Variants in TECTA observed in about 807,000 individuals in gnomAD.
TECTA encodes alpha-tectorin.
A neutral mutation model predicts 216.8 loss-of-function variants in TECTA; 128 were observed. That is an observed-to-expected ratio of 0.59 (90% CI 0.51 to 0.68). The LOEUF is 0.68. Among genes scored for constraint, TECTA ranks in the 30% least tolerant of loss-of-function variants. The probability of loss-of-function intolerance (pLI) is 0.00; values close to 1 mark genes in which losing one functional copy is unlikely to be tolerated. For missense variants in TECTA, 2,551 were observed against 2,786.2 expected (o/e 0.92, Z 1.90); for synonymous variants, 1,089 against 1,117.1 (o/e 0.97, Z 0.50).
At chr11:121,162,868 G>T (rs118155855) in intron 16 of TECTA, among the ~76,000 whole-genome samples, 1 of 152,148 alleles carries the variant, frequency 6.6e-6, no homozygotes, top group East Asian at 1.9e-4. Context: ...AGATCAGCTG[G>T]TAAAATAAAG....
chr11:121,160,145 C>A lies in TECTA; in HGVS notation c.4700C>A (p.Thr1567Lys). ...TTCCTCCTCCAATAGGTGAATGGCA[C>A]ACAAGTGAATGTTCCATTTATAACT... ...NDRNTVKVNG[T>K]QVNVPFITGL... Residue 1567 changes from threonine to lysine, a missense_variant, in exon 15 of 24, where the codon ACA becomes AAA. By Grantham distance (78) the Thr-to-Lys change is moderately conservative. Coordinates refer to ENST00000392793, the MANE Select transcript of TECTA (RefSeq NM_005422.4). 4 of 1,614,200 alleles carry A rather than the reference C, an allele frequency of 2.5e-6. No individual in the cohort carries two copies. Among genetic ancestry groups the A allele is most frequent in the Non-Finnish European group, 3.4e-6 (4 of 1,180,052 alleles).
intron 12 of TECTA, among the ~76,000 whole-genome samples, chr11:121,146,694 T>G (rs543089187): frequency 1.3e-5 from 2 of 152,292 alleles, no homozygotes; most frequent in South Asian, 4.2e-4. Context: ...GTTCTCAGTT[T>G]CCCCTTCCAT....
At position 121,190,856 on chromosome 11, in the gene TECTA, C is replaced by G. The variant is rs773285619; in HGVS notation, c.*50C>G. Reference sequence around the variant, plus strand: ...TACTGTAATTTACTTACTTCAACACCCTGTAGGATAAAAAGTGTGTGCCCT... The same window carrying G: ...TACTGTAATTTACTTACTTCAACACGCTGTAGGATAAAAAGTGTGTGCCCT... On this transcript the variant is annotated 3_prime_UTR_variant, in exon 24 of 24. Transcript: ENST00000392793. The G allele has an allele frequency of 5.3e-5, 73 of 1,375,220 alleles. No homozygotes were observed. Among genetic ancestry groups the G allele is most frequent in the Non-Finnish European group, 6.8e-5 (66 of 976,874 alleles). The allele number at this position is 1,375,220 out of a possible 1,614,324, so 85.2% of individuals were successfully genotyped here. A position where few individuals can be genotyped will look rare whatever the true frequency, so the allele number is the denominator to read the frequency against.
At chr11:121,173,170 C>A (rs1260633197) in intron 20 of TECTA, among the ~76,000 whole-genome samples, 1 of 152,218 alleles carries the variant, frequency 6.6e-6, no homozygotes, top group Admixed American at 6.5e-5. Flanking sequence ...GTTTCTTTTG[C>A]TGTGCAGAAG....
At chr11:121,147,716 A>G (rs1369831139) in intron 12 of TECTA, among the ~76,000 whole-genome samples, 1 of 152,110 alleles carries the variant, frequency 6.6e-6, no homozygotes, top group Non-Finnish European at 1.5e-5. Flanking sequence ...TTTGGAAGGG[A>G]AAGCTCTGCT....
At chr11:121,172,729 C>G (rs992256628) in intron 20 of TECTA, among the ~76,000 whole-genome samples, 7 of 152,030 alleles carry the variant, frequency 4.6e-5, no homozygotes, top group African/African-American at 7.3e-5. Flanking sequence ...GGGTCAAATG[C>G]TATTTCTAGT....
rs761826749 is a variant in TECTA at position 121,113,054 on chromosome 11, C to T, written c.487-18C>T. 21 of 1,613,794 alleles carry T rather than the reference C, an allele frequency of 1.3e-5. No homozygotes were observed. Among genetic ancestry groups the T allele is most frequent in the Admixed American group, 1.7e-5 (1 of 59,996 alleles). On this transcript the variant is annotated intron_variant, in intron 4 of 23. Coordinates refer to ENST00000392793, the MANE Select transcript of TECTA (RefSeq NM_005422.4). The surrounding 1 kb of genome is among the most constrained non-coding windows in gnomAD (Gnocchi z 4.2). ...CTGGGGAGTGCAAGTCATGAGACTG[C>T]GCATTCCCATCCTGTAGGTGAACAC...
chr11:121,147,419 G>A (rs545701253), intron 12 of TECTA, among the ~76,000 whole-genome samples: 1 of 152,274 alleles, frequency 6.6e-6, no homozygotes, highest in African/African-American at 2.4e-5. Flanking sequence ...GATGAAGGCG[G>A]GGAACAGATG....
intron 20 of TECTA, among the ~76,000 whole-genome samples, chr11:121,170,774 ATTAT>A (rs1947103988): frequency 6.6e-6 from 1 of 151,984 alleles, no homozygotes; most frequent in South Asian, 2.1e-4. Flanking sequence ...TTTTAAAGAA[ATTAT>A]TTGTTTTCTT....
chr11:121,168,568 T>C lies in TECTA; in HGVS notation c.5751-109T>C, dbSNP rs1206728212. 5.8e-6 allele frequency: 9 copies of C among 1,539,916 alleles called. No individual in the cohort carries two copies. In the African/African-American group the frequency reaches 9.5e-5, roughly 16 times the overall value. On this transcript the variant is annotated intron_variant, in intron 19 of 23. Transcript: ENST00000392793. Reference sequence around the variant, plus strand: ...TATTGGACAGCACAGCCTTAGACTTTGCTACTACGTGCTTTGCTTTCCCTC... The same window carrying C: ...TATTGGACAGCACAGCCTTAGACTTCGCTACTACGTGCTTTGCTTTCCCTC...
In TECTA at chr11:121,108,608, G is replaced by A. The variant is rs547951267; in HGVS notation, c.199-603G>A. The stretch of plus-strand genomic sequence containing the variant: ...AGTATACACACACACCACATCCCCC[G>A]TATACACACACACTCCCCACCCCAG... On this transcript the variant is annotated intron_variant, in intron 3 of 23. Transcript: ENST00000392793. Among the ~76,000 whole-genome samples, 216 of 122,922 alleles carry A rather than the reference G, an allele frequency of 1.8e-3. 2 individuals are homozygous for A. The highest frequency in any genetic ancestry group is 0.017 in the South Asian group (64 of 3,776). 80.6% of individuals were successfully genotyped at this position (122,922 alleles called of 152,430 possible).
In TECTA at chr11:121,139,600, G is replaced by A. The variant is rs192713059; in HGVS notation, c.3543+1578G>A. 6.0e-3 allele frequency among the ~76,000 whole-genome samples: 909 copies of A among 152,050 alleles called. 10 individuals carry two copies. The highest frequency in any genetic ancestry group is 0.021 in the African/African-American group (860 of 41,420). The stretch of plus-strand genomic sequence containing the variant: ...CAGCTACTAGGGAGGCTGAGACAGA[G>A]AATTGCTTGAACCCAGGAGGCGGAG... On this transcript the variant is annotated intron_variant, in intron 11 of 23. Transcript: ENST00000392793.
chr11:121,168,241 A>G (rs372854284), intron 19 of TECTA, 24 bp downstream of exon 19: 2 of 1,614,066 alleles, frequency 1.2e-6, no homozygotes, highest in Admixed American at 1.7e-5. Flanking sequence ...TGGGCTGTGC[A>G]CATTGCTTTT....
At chr11:121,182,864 G>C (rs2134210748) in intron 20 of TECTA, among the ~76,000 whole-genome samples, 1 of 152,284 alleles carries the variant, frequency 6.6e-6, no homozygotes, top group African/African-American at 2.4e-5. Context: ...AGTGGTGGTG[G>C]GTGGGGCAGG....
At chr11:121,107,123 T>C (rs1321020352) in intron 3 of TECTA, among the ~76,000 whole-genome samples, 1 of 152,260 alleles carries the variant, frequency 6.6e-6, no homozygotes, top group Admixed American at 6.5e-5. Flanking sequence ...ACGCCTTTTA[T>C]ACTCTATTCA....
rs143998942 is a variant in TECTA, at chr11:121,130,007, G to A, written c.2737G>A (p.Gly913Ser). ...LKFYRSRSRC[G>S]IINDPSNSSF... is the part of the protein sequence containing the mutation. ...GTTTTATCGAAGCCGCTCCAGGTGCGGCATCATCAACGACCCCTCCAACAG... is the reference window on the plus strand; with the variant it reads ...GTTTTATCGAAGCCGCTCCAGGTGCAGCATCATCAACGACCCCTCCAACAG... Residue 913 changes from glycine to serine, a missense_variant, in exon 10 of 24, where the codon GGC (glycine) becomes AGC (serine). Gly to Ser is a moderately conservative substitution (Grantham distance 56). This residue lies in a region of TECTA where 2,375 missense variants were observed against 2,563.9 expected (regional missense o/e 0.93). Coordinates refer to ENST00000392793, the MANE Select transcript of TECTA (RefSeq NM_005422.4). 3.5e-5 allele frequency: 56 copies of A among 1,608,316 alleles called. No homozygotes were observed. The highest frequency in any genetic ancestry group is 2.4e-4 in the African/African-American group (18 of 74,834).
Position 121,129,964 on chromosome 11 carries a change from T to C in TECTA, c.2694T>C (p.Asn898=), listed in dbSNP as rs769542753. 9 of 1,606,348 alleles carry C rather than the reference T, an allele frequency of 5.6e-6. No individual in the cohort carries two copies. In the East Asian group the frequency reaches 1.1e-4, roughly 20 times the overall value. Residue 898 remains asparagine (N), a synonymous_variant, in exon 10 of 24, where the codon AAT becomes AAC. Transcript: ENST00000392793. ...ECGDLLKACN[N]DSELLKFYRS... ...GGGACCTGCTGAAGGCCTGCAACAA[T>C]GACTCGGAGCTGCTCAAGTTTTATC...
chr11:121,118,774 TA>T (rs1946526811), intron 7 of TECTA, 56 bp downstream of exon 7: 15 of 1,599,826 alleles, frequency 9.4e-6, no homozygotes, highest in Non-Finnish European at 1.3e-5. Flanking sequence ...TTCTTCAGCC[TA>T]GGGAAGACTT....
intron 16 of TECTA, among the ~76,000 whole-genome samples, chr11:121,163,478 T>G (rs1162121662): frequency 1.3e-5 from 2 of 150,482 alleles, no homozygotes; most frequent in Admixed American, 6.6e-5. Flanking sequence ...AGGGATAGCA[T>G]TAGGAGATAT....
Sources: gnomAD v4.1 joint callset for allele counts (sites outside exome capture counted in the v4.1 genomes callset) on GRCh38, gnomAD v4.1.1 for gene constraint, gnomAD v4.1.1 regional missense constraint, Gnocchi (gnomAD v3.1) non-coding constraint, MANE v1.5 for transcripts, NCBI Gene and HGNC (gene_info 2026-07-23, HGNC 2026-07-21) for gene names.